Variants in KMT5B observed in about 807,000 individuals in gnomAD.
The protein encoded by KMT5B is histone-lysine N-methyltransferase KMT5B.
Under a neutral mutation model 83.2 loss-of-function variants are expected in KMT5B, and 10 were observed. That is an observed-to-expected ratio of 0.12 (90% CI 0.07 to 0.20). The LOEUF (loss-of-function observed/expected upper bound fraction) is 0.20. Ranked by LOEUF, KMT5B falls within the 10% of genes least tolerant of loss-of-function variation. The pLI is 1.00. For synonymous variants in KMT5B, 349 were observed against 388.8 expected (o/e 0.90, Z 1.20); for missense variants, 753 against 1,067.2 (o/e 0.71, Z 4.10).
At position 68,205,857 on chromosome 11, in the gene KMT5B, A is replaced by C. The variant is rs7123296; in HGVS notation, c.-77+7281T>G. Among the ~76,000 whole-genome samples the C allele has an allele frequency of 9.0e-3, 1,365 of 152,194 alleles. 16 individuals are homozygous for C. The highest frequency in any genetic ancestry group is 0.031 in the African/African-American group (1,292 of 41,528). On this transcript the variant is annotated intron_variant, in intron 1 of 10. Transcript: ENST00000304363. Reference sequence around the variant, plus strand: ...GGATGGTCTCAATCTCCTGACCTCGAGATCCACCCACCTCGGCCTCCCAAA... The same window carrying C: ...GGATGGTCTCAATCTCCTGACCTCGCGATCCACCCACCTCGGCCTCCCAAA...
chr11:68,183,593 A>C (rs1031386226), intron 3 of KMT5B, among the ~76,000 whole-genome samples: 1 of 144,206 alleles, frequency 6.9e-6, no homozygotes, highest in Non-Finnish European at 1.5e-5. Flanking sequence ...TCCTGAGCTC[A>C]GGTGATCCAC....
intron 1 of KMT5B, among the ~76,000 whole-genome samples, chr11:68,205,212 G>A (rs1859943291): frequency 6.6e-6 from 1 of 152,030 alleles, no homozygotes; most frequent in African/African-American, 2.4e-5. Flanking sequence ...CTGCTACTCA[G>A]GAGGCTGAGG....
At chr11:68,192,905 C>T (rs1457768982) in intron 1 of KMT5B, among the ~76,000 whole-genome samples, 4 of 152,120 alleles carry the variant, frequency 2.6e-5, no homozygotes, top group South Asian at 2.1e-4. Context: ...CTACTGTATT[C>T]GGTAATGTAA....
intron 2 of KMT5B, among the ~76,000 whole-genome samples, chr11:68,187,069 T>G (rs968412283): frequency 4.6e-5 from 7 of 152,084 alleles, no homozygotes; most frequent in African/African-American, 1.7e-4. Flanking sequence ...TGATCACAGC[T>G]CACCGCAGCC....
intron 6 of KMT5B, among the ~76,000 whole-genome samples, chr11:68,173,347 A>C (rs147939833): frequency 7.2e-5 from 11 of 152,148 alleles, no homozygotes; most frequent in African/African-American, 2.7e-4. Context: ...CACCAACTCT[A>C]CTATTTTTAT....
chr11:68,176,196 C>T (rs956359746), intron 4 of KMT5B, among the ~76,000 whole-genome samples: 10 of 152,132 alleles, frequency 6.6e-5, no homozygotes, highest in Admixed American at 3.9e-4. Context: ...TGAGCCACTG[C>T]GCCTGGCCTG....
rs1397203442 is a variant in KMT5B, at chr11:68,190,289, G to A, written c.-76-137C>T. 1.1e-5 allele frequency: 6 copies of A among 532,614 alleles called. No homozygotes were observed. In the Admixed American group the frequency reaches 2.1e-4, roughly 19 times the overall value. 33.0% of individuals were successfully genotyped at this position (532,614 alleles called of 1,614,324 possible). On this transcript the variant is annotated intron_variant, in intron 1 of 10. Coordinates refer to ENST00000304363, the MANE Select transcript of KMT5B (RefSeq NM_017635.5). Reference sequence around the variant, plus strand: ...ACAGTATAATGATGTTTTGGTCAATGACAGACCACATAAACAACGGTGGTT... The same window carrying A: ...ACAGTATAATGATGTTTTGGTCAATAACAGACCACATAAACAACGGTGGTT...
At chr11:68,188,431 A>G (rs1188971273) in intron 2 of KMT5B, among the ~76,000 whole-genome samples, 1 of 146,440 alleles carries the variant, frequency 6.8e-6, no homozygotes, top group East Asian at 2.0e-4. Context: ...TGCAACCTCT[A>G]ACTCCTGGGC....
At chr11:68,164,799 T>C (rs1855167576) in intron 10 of KMT5B, 2 of 453,550 alleles carry the variant, frequency 4.4e-6, no homozygotes, top group Non-Finnish European at 8.9e-6. Flanking sequence ...CCCTCTGAAC[T>C]TGAAAGCCTG....
intron 3 of KMT5B, 123 bp downstream of exon 3, chr11:68,185,658 T>G (rs1013609437): frequency 3.6e-5 from 33 of 922,928 alleles, no homozygotes; most frequent in Non-Finnish European, 4.4e-5. Flanking sequence ...CAGAAAACCC[T>G]TCCACTGCAA....
chr11:68,206,092 G>C (rs1054091760), intron 1 of KMT5B, among the ~76,000 whole-genome samples: 3 of 152,194 alleles, frequency 2.0e-5, no homozygotes, highest in African/African-American at 7.2e-5. Flanking sequence ...CTTCATCTCA[G>C]TAGTTATTTT....
rs7949511 is a variant in KMT5B, at chr11:68,171,381, A to C, written c.821-130T>G. 0.11 allele frequency: 136,862 copies of C among 1,255,618 alleles called. 8,319 individuals are homozygous for C. Among genetic ancestry groups the C allele is most frequent in the East Asian group, 0.22 (9,418 of 42,032 alleles). The allele number at this position is 1,255,618 out of a possible 1,614,324, so 77.8% of individuals were successfully genotyped here. ...TGATAGGAGTTTAGGTCTCAAGTTC[A>C]ACTAAAGGAATATACATTTATTTTA... On this transcript the variant is annotated intron_variant, in intron 7 of 10. Coordinates refer to ENST00000304363, the MANE Select transcript of KMT5B (RefSeq NM_017635.5). This position sits in a 1 kb window ranked among gnomAD's most constrained non-coding sequence, Gnocchi z 5.1.
rs186106727 is a variant in KMT5B, at chr11:68,156,305, A to C, written c.*1383T>G. The C allele has an allele frequency of 6.6e-6, 1 of 152,650 alleles. No individual in the cohort carries two copies. Among genetic ancestry groups the C allele is most frequent in the African/African-American group, 2.4e-5 (1 of 41,450 alleles). 9.5% of individuals were successfully genotyped at this position (152,650 alleles called of 1,614,324 possible). On this transcript the variant is annotated 3_prime_UTR_variant, in exon 11 of 11. Coordinates refer to ENST00000304363, the MANE Select transcript of KMT5B (RefSeq NM_017635.5). ...TTTATATTCCCAAATTCTCTGTCCA[A>C]TGATTTGCAAAATAATCCAGAGAAA...
Position 68,171,986 on chromosome 11 carries a change from GGTGTGGT to G in KMT5B, c.654-284_654-278del, listed in dbSNP as rs569555696. On this transcript the variant is annotated intron_variant, in intron 6 of 10. Transcript: ENST00000304363. The surrounding 1 kb of genome is among the most constrained non-coding windows in gnomAD (Gnocchi z 5.1). ...TGCCACCTATGTCTCTGAATGCCCTGGTGTGGTGTTTTGCAAGCAGAAAGTACTCAAA... is the reference window on the plus strand; with the variant it reads ...TGCCACCTATGTCTCTGAATGCCCTGGTTTTGCAAGCAGAAAGTACTCAAA... Among the ~76,000 whole-genome samples, 12 of 141,186 alleles carry G rather than the reference GGTGTGGT, an allele frequency of 8.5e-5. No homozygotes were observed. In the South Asian group the frequency reaches 3.2e-3, roughly 37 times the overall value. The allele number at this position is 141,186 out of a possible 152,430, so 92.6% of individuals were successfully genotyped here.
intron 2 of KMT5B, among the ~76,000 whole-genome samples, chr11:68,187,409 T>C (rs1181932881): frequency 6.6e-6 from 1 of 152,250 alleles, no homozygotes; most frequent in Non-Finnish European, 1.5e-5. Context: ...CACTTCAAAA[T>C]GTTTTCTGAT....
At chr11:68,212,088 TA>T (rs1295420916) in intron 1 of KMT5B, among the ~76,000 whole-genome samples, 1 of 152,232 alleles carries the variant, frequency 6.6e-6, no homozygotes, top group Non-Finnish European at 1.5e-5. Flanking sequence ...TACTTCTTTT[TA>T]CTACTAATTA....
intron 9 of KMT5B, among the ~76,000 whole-genome samples, chr11:68,169,175 G>A (rs1855606587): frequency 6.6e-6 from 1 of 152,174 alleles, no homozygotes; most frequent in Non-Finnish European, 1.5e-5. Context: ...TGGAGTAGGT[G>A]GGATTATCCT....
intron 2 of KMT5B, among the ~76,000 whole-genome samples, chr11:68,189,267 A>G (rs115479414): frequency 1.4e-3 from 219 of 152,324 alleles, no homozygotes; most frequent in African/African-American, 5.0e-3. Context: ...GTCCTCAGTC[A>G]TTTTACTACT....
At chr11:68,188,026 C>CTT (rs1168742073) in intron 2 of KMT5B, among the ~76,000 whole-genome samples, 13 of 139,428 alleles carry the variant, frequency 9.3e-5, no homozygotes, top group East Asian at 2.1e-4. Context: ...TTTCCTTTTT[C>CTT]TTTTTTTTTT....
Sources: gnomAD v4.1 joint callset for allele counts (sites outside exome capture counted in the v4.1 genomes callset) on GRCh38, gnomAD v4.1.1 for gene constraint, Gnocchi (gnomAD v3.1) non-coding constraint, MANE v1.5 for transcripts, NCBI Gene and HGNC (gene_info 2026-07-23, HGNC 2026-07-21) for gene names.